CACNA1A: variants seen among roughly 807,000 people sequenced by gnomAD.
The protein encoded by CACNA1A is voltage-dependent P/Q-type calcium channel subunit alpha-1A.
A neutral mutation model predicts 262.4 loss-of-function variants in CACNA1A; 57 were observed. That is an observed-to-expected ratio of 0.22 (90% CI 0.18 to 0.27). CACNA1A has a LOEUF of 0.27. Ranked by LOEUF, CACNA1A falls within the 10% of genes least tolerant of loss-of-function variation. The pLI is 1.00. For synonymous variants in CACNA1A, 1,431 were observed against 1,419.3 expected, an observed-to-expected ratio of 1.01 and a Z score of -0.18; for missense variants, 2,526 against 3,562.8, an observed-to-expected ratio of 0.71 and a Z score of 7.41.
intron 3 of CACNA1A, among the ~76,000 whole-genome samples, chr19:13,405,827 GCTA>G (rs1160211581): frequency 6.6e-6 from 1 of 152,108 alleles, no homozygotes; most frequent in African/African-American, 2.4e-5. Flanking sequence ...GCTGGGGTTG[GCTA>G]CTGTTGACGC....
At chr19:13,459,775 A>G (rs560527811) in intron 1 of CACNA1A, among the ~76,000 whole-genome samples, 2 of 152,150 alleles carry the variant, frequency 1.3e-5, no homozygotes, top group South Asian at 4.2e-4. Flanking sequence ...CTGCCCCTCA[A>G]TGGCAGGGAT....
intron 29 of CACNA1A, among the ~76,000 whole-genome samples, chr19:13,253,552 T>C (rs1398112919): frequency 1.3e-5 from 2 of 148,784 alleles, no homozygotes; most frequent in Non-Finnish European, 3.0e-5. Context: ...TTCATGCCAT[T>C]CCCCTGCCTC....
intron 3 of CACNA1A, among the ~76,000 whole-genome samples, chr19:13,405,448 A>G (rs572572517): frequency 6.6e-6 from 1 of 151,554 alleles, no homozygotes; most frequent in Admixed American, 6.6e-5. Context: ...TCAAGCAATC[A>G]GCCTGCTTCT....
chr19:13,222,154 G>C (rs973963208), intron 38 of CACNA1A, among the ~76,000 whole-genome samples: 1 of 151,492 alleles, frequency 6.6e-6, no homozygotes, highest in Non-Finnish European at 1.5e-5. Flanking sequence ...TGATCCACCC[G>C]CTTCAGCCTC....
chr19:13,466,877 ATTATTTATTTATTTAT>A (rs59575263), intron 1 of CACNA1A, among the ~76,000 whole-genome samples: 7 of 142,586 alleles, frequency 4.9e-5, no homozygotes, highest in African/African-American at 1.3e-4. Flanking sequence ...TTAAATTTCC[ATTATTTATTTATTTAT>A]TTATTTATTT....
intron 9 of CACNA1A, among the ~76,000 whole-genome samples, chr19:13,331,381 C>T (rs555426039): frequency 4.6e-5 from 7 of 151,646 alleles, no homozygotes; most frequent in South Asian, 4.2e-4. Flanking sequence ...GGATTACAGG[C>T]GTGTGCCATG....
At chr19:13,336,594 G>GGAGAGAGAGGAA (rs1555768093) in intron 6 of CACNA1A, among the ~76,000 whole-genome samples, 1 of 65,494 alleles carries the variant, frequency 1.5e-5, no homozygotes, top group Non-Finnish European at 3.1e-5. Context: ...AGAGAGAGAG[G>GGAGAGAGAGGAA]GAGAGAGAGA....
chr19:13,234,935 G>A lies in CACNA1A; in HGVS notation c.5235C>T (p.Leu1745=). The change falls in exon 34 of 47, where the codon CTC becomes CTT. Residue 1745 remains leucine (L), a synonymous_variant. Transcript: ENST00000360228. ...CCCCTTCTCACCGGAAGAGAAGCAT[G>A]AGGGCCTGGAAGAAGGTCCGGAAGT... is the stretch of plus-strand genomic sequence containing the variant. ...HNNFRTFFQA[L]MLLFRSATGE... is the part of the protein sequence containing the mutation. The A allele has an allele frequency of 6.2e-7, 1 of 1,612,128 alleles. No homozygotes were observed. The highest frequency in any genetic ancestry group is 8.5e-7 in the Non-Finnish European group (1 of 1,178,160).
Position 13,506,394 on chromosome 19 carries a change from G to T in CACNA1A, c.-170C>A, listed in dbSNP as rs1254469429. ...CAGCCCATCGGGCGGCGGCGGCTCG[G>T]CGCCTCGGGTCGGGGGCTCAGAAGG... On this transcript the variant is annotated 5_prime_UTR_variant, in exon 1 of 47. Coordinates refer to ENST00000360228, the MANE Select transcript of CACNA1A (RefSeq NM_001127222.2). 2 of 478,042 alleles carry T rather than the reference G, an allele frequency of 4.2e-6. No individual in the cohort carries two copies. Among genetic ancestry groups the T allele is most frequent in the African/African-American group, 4.1e-5 (2 of 49,308 alleles). 29.6% of individuals were successfully genotyped at this position (478,042 alleles called of 1,614,324 possible). A position where few individuals can be genotyped will look rare whatever the true frequency, so the allele number is the denominator to read the frequency against.
chr19:13,224,271 C>G (rs1429294997), intron 38 of CACNA1A, among the ~76,000 whole-genome samples: 1 of 151,540 alleles, frequency 6.6e-6, no homozygotes, highest in Non-Finnish European at 1.5e-5. Context: ...TAGCAATGAG[C>G]CAAGATCACA....
At chr19:13,287,098 T>A (rs2057419596) in intron 19 of CACNA1A, 132 bp from the exon 20 acceptor site, 3 of 729,586 alleles carry the variant, frequency 4.1e-6, no homozygotes, top group South Asian at 4.3e-5. Context: ...ACGCCTGTAA[T>A]CCCAGCACTT....
chr19:13,283,157 C>A, intron 22 of CACNA1A, 110 bp downstream of exon 22: 1 of 1,371,208 alleles, frequency 7.3e-7, no homozygotes, highest in Non-Finnish European at 1.0e-6. Context: ...AGGGCTATGC[C>A]TAGGGGTGAC....
chr19:13,379,630 TAA>T (rs903528485), intron 3 of CACNA1A, among the ~76,000 whole-genome samples: 1 of 152,082 alleles, frequency 6.6e-6, no homozygotes, highest in African/African-American at 2.4e-5. Context: ...AGTTCAGTGT[TAA>T]AAGTGTTACA....
Position 13,212,829 on chromosome 19 carries a change from C to A in CACNA1A, c.5941-89G>T. 1 of 286,588 alleles carries A rather than the reference C, an allele frequency of 3.5e-6. No individual in the cohort carries two copies. Among genetic ancestry groups the A allele is most frequent in the Non-Finnish European group, 6.5e-6 (1 of 153,864 alleles). 17.8% of individuals were successfully genotyped at this position (286,588 alleles called of 1,614,324 possible). On this transcript the variant is annotated intron_variant, in intron 40 of 46. Transcript: ENST00000360228. This position sits in a 1 kb window ranked among gnomAD's most constrained non-coding sequence, Gnocchi z 5.6. ...AAGGCATTGCGACATCCCCAGTATA[C>A]ACACACACACACACACACACTCTCT...
chr19:13,289,140 C>CTT (rs36024401), intron 19 of CACNA1A, among the ~76,000 whole-genome samples: 3,574 of 122,146 alleles, frequency 0.029, 225 homozygotes, highest in African/African-American at 0.099. Context: ...TCGGCAATGT[C>CTT]TTTTTTTTTT....
At position 13,241,522 on chromosome 19, in the gene CACNA1A, G is replaced by A. The variant is rs750009796; in HGVS notation, c.4950+3660C>T. The A allele has an allele frequency of 1.9e-5, 24 of 1,280,444 alleles. No individual in the cohort carries two copies. Among genetic ancestry groups the A allele is most frequent in the East Asian group, 3.8e-5 (1 of 26,016 alleles). The allele number at this position is 1,280,444 out of a possible 1,614,324, so 79.3% of individuals were successfully genotyped here. On this transcript the variant is annotated intron_variant, in intron 31 of 46. Transcript: ENST00000360228. The surrounding 1 kb of genome is among the most constrained non-coding windows in gnomAD (Gnocchi z 4.0). The stretch of plus-strand genomic sequence containing the variant: ...ACTTCAGAAAGAAGTAAGACCAACC[G>A]GATTCTAGATGCAGATGTTGAAGAT...
At chr19:13,398,168 C>T (rs2059841061) in intron 3 of CACNA1A, among the ~76,000 whole-genome samples, 1 of 151,454 alleles carries the variant, frequency 6.6e-6, no homozygotes, top group Non-Finnish European at 1.5e-5. Context: ...GAGGCTGAGT[C>T]AGGAGAATGC....
chr19:13,307,235 T>C (rs935441598), intron 15 of CACNA1A: 1 of 152,314 alleles, frequency 6.6e-6, no homozygotes, highest in Admixed American at 6.6e-5. Flanking sequence ...AGTGGTTTTT[T>C]TTTTCTTTTT....
rs1468367610 is a variant in CACNA1A at position 13,241,574 on chromosome 19, T to G, written c.4950+3608A>C. On this transcript the variant is annotated intron_variant, in intron 31 of 46. Transcript: ENST00000360228. The surrounding 1 kb of genome is among the most constrained non-coding windows in gnomAD (Gnocchi z 4.0). ...AGGGGGAGCGGGCGGGCGGGGGCAG[T>G]TGGGGAGGCGTGTTCAGCATTTTTT... 8 of 1,044,206 alleles carry G rather than the reference T, an allele frequency of 7.7e-6. 1 individual carries two copies. The highest frequency in any genetic ancestry group is 2.7e-5 in the South Asian group (2 of 74,252). The allele number at this position is 1,044,206 out of a possible 1,614,324, so 64.7% of individuals were successfully genotyped here.
Sources: gnomAD v4.1 joint callset for allele counts (sites outside exome capture counted in the v4.1 genomes callset) on GRCh38, gnomAD v4.1.1 for gene constraint, Gnocchi (gnomAD v3.1) non-coding constraint, MANE v1.5 for transcripts, NCBI Gene and HGNC (gene_info 2026-07-23, HGNC 2026-07-21) for gene names.